Variants in PPP2R5E observed in about 807,000 individuals in gnomAD.
PPP2R5E encodes the protein protein phosphatase 2 regulatory subunit B'epsilon.
PPP2R5E carries 4 observed loss-of-function variants against 65.3 expected under a neutral mutation model. The ratio of observed to expected loss-of-function variants is 0.06; its 90% CI spans 0.03 to 0.14. PPP2R5E has a LOEUF of 0.14. PPP2R5E is among the 10% of genes least tolerant of loss of function. PPP2R5E has a pLI of 1.00. For missense variants in PPP2R5E, 274 were observed against 556.1 expected (o/e 0.49, Z 5.10); for synonymous variants, 183 against 187.4 (o/e 0.98, Z 0.19).
intron 2 of PPP2R5E, among the ~76,000 whole-genome samples, chr14:63,532,197 C>A (rs1893464516): frequency 6.6e-6 from 1 of 152,032 alleles, no homozygotes; most frequent in Non-Finnish European, 1.5e-5. Flanking sequence ...ACCTACTATA[C>A]AAGAGTATAA....
chr14:63,456,085 T>C (rs1348519667), intron 2 of PPP2R5E, among the ~76,000 whole-genome samples: 2 of 152,200 alleles, frequency 1.3e-5, no homozygotes, highest in African/African-American at 4.8e-5. Flanking sequence ...CTTATTAATA[T>C]AACATTCGTT....
chr14:63,523,066 C>A (rs1272413891), intron 2 of PPP2R5E, among the ~76,000 whole-genome samples: 8 of 151,032 alleles, frequency 5.3e-5, no homozygotes, highest in Admixed American at 2.0e-4. Flanking sequence ...CGGCCAGCCG[C>A]CCCGTCCGGG....
chr14:63,457,332 T>C (rs899730399), intron 2 of PPP2R5E, among the ~76,000 whole-genome samples: 1 of 152,130 alleles, frequency 6.6e-6, no homozygotes, highest in African/African-American at 2.4e-5. Context: ...TAAATAAACA[T>C]TTATTAAAAG....
intron 2 of PPP2R5E, among the ~76,000 whole-genome samples, chr14:63,462,077 T>TCAC (rs879801461): frequency 6.6e-6 from 1 of 150,826 alleles, no homozygotes; most frequent in South Asian, 2.1e-4. Context: ...AACTGTATTT[T>TCAC]TTTTTTTTTT....
chr14:63,473,986 G>A (rs1890268270), intron 2 of PPP2R5E, among the ~76,000 whole-genome samples: 3 of 152,170 alleles, frequency 2.0e-5, no homozygotes, highest in Admixed American at 2.0e-4. Context: ...TAAAACCTGA[G>A]GGAGAGACAT....
At chr14:63,376,266 A>T (rs1233180295) in intron 13 of PPP2R5E, among the ~76,000 whole-genome samples, 158 bp from the exon 14 acceptor site, 2 of 152,232 alleles carry the variant, frequency 1.3e-5, no homozygotes, top group African/African-American at 4.8e-5. Flanking sequence ...AATGACTTAT[A>T]TGCATCAGTT....
chr14:63,513,245 C>G (rs1220119749), intron 2 of PPP2R5E, among the ~76,000 whole-genome samples: 3 of 152,106 alleles, frequency 2.0e-5, no homozygotes, highest in African/African-American at 7.2e-5. Flanking sequence ...CAAAGAAAGG[C>G]CCCTCAGGAT....
intron 2 of PPP2R5E, among the ~76,000 whole-genome samples, chr14:63,506,626 T>C (rs1004988716): frequency 3.3e-5 from 5 of 152,054 alleles, no homozygotes; most frequent in African/African-American, 1.2e-4. Context: ...ATGACTATCA[T>C]CAAAAAGAGA....
chr14:63,377,098 G>A (rs1007496940), intron 13 of PPP2R5E, among the ~76,000 whole-genome samples: 8 of 150,412 alleles, frequency 5.3e-5, no homozygotes, highest in South Asian at 4.2e-4. Flanking sequence ...GCAGCGAGCC[G>A]AGATCACACC....
intron 2 of PPP2R5E, among the ~76,000 whole-genome samples, chr14:63,466,940 T>A (rs1332637600): frequency 6.6e-6 from 1 of 152,074 alleles, no homozygotes; most frequent in Non-Finnish European, 1.5e-5. Flanking sequence ...TTTAAAAACA[T>A]TATTGGCCGG....
chr14:63,467,727 A>G (rs1253457555), intron 2 of PPP2R5E, among the ~76,000 whole-genome samples: 5 of 152,250 alleles, frequency 3.3e-5, no homozygotes, highest in Admixed American at 3.3e-4. Context: ...TGAAAAAGAA[A>G]TGTAAGCCCA....
intron 2 of PPP2R5E, among the ~76,000 whole-genome samples, chr14:63,522,496 G>C (rs1011749776): frequency 1.4e-4 from 21 of 151,466 alleles, no homozygotes; most frequent in African/African-American, 5.1e-4. Context: ...TCTAGGAAGT[G>C]AGAAACGCCT....
Position 63,384,444 on chromosome 14 carries a change from G to A in PPP2R5E, c.1202C>T (p.Pro401Leu), listed in dbSNP as rs775015888. 4 of 1,612,130 alleles carry A rather than the reference G, an allele frequency of 2.5e-6. No homozygotes were observed. Among genetic ancestry groups the A allele is most frequent in the East Asian group, 2.2e-5 (1 of 44,834 alleles). The change falls in exon 12 of 14, where the codon CCG becomes CTG. Residue 401 changes from proline to leucine, a missense_variant and splice_region_variant. By Grantham distance (98) the Pro-to-Leu change is moderately conservative. Around this residue, in one of 6 missense-constraint regions of PPP2R5E, gnomAD observed 129 missense variants for 254.9 expected, o/e 0.51. Coordinates refer to ENST00000337537, the MANE Select transcript of PPP2R5E (RefSeq NM_006246.5). ...LYRISKEHWNPAIVALVYNVL... is the reference protein window; with the variant it reads ...LYRISKEHWNLAIVALVYNVL... ...CGGAGGAAAGAAACTGAAAACCTACGGATTCCAATGTTCTTTTGAAATCCT... is the reference window on the plus strand; with the variant it reads ...CGGAGGAAAGAAACTGAAAACCTACAGATTCCAATGTTCTTTTGAAATCCT...
At chr14:63,409,853 G>A (rs1886302538) in intron 5 of PPP2R5E, among the ~76,000 whole-genome samples, 1 of 152,188 alleles carries the variant, frequency 6.6e-6, no homozygotes, top group Non-Finnish European at 1.5e-5. Context: ...TTCAGGCTTG[G>A]ACAACAGGTA....
At chr14:63,379,818 TTCTC>T (rs770094217) in intron 13 of PPP2R5E, among the ~76,000 whole-genome samples, 11 of 117,042 alleles carry the variant, frequency 9.4e-5, no homozygotes, top group Middle Eastern at 7.4e-3. Flanking sequence ...TTCTTCAATA[TTCTC>T]TCTCTTTTTT....
chr14:63,501,612 T>C (rs1223012789), intron 2 of PPP2R5E, among the ~76,000 whole-genome samples: 2 of 152,136 alleles, frequency 1.3e-5, no homozygotes, highest in African/African-American at 4.8e-5. Context: ...TCTGAGGTGA[T>C]AAAAATGTTC....
chr14:63,519,348 C>A (rs935326215), intron 2 of PPP2R5E, among the ~76,000 whole-genome samples: 1 of 151,748 alleles, frequency 6.6e-6, no homozygotes, highest in Non-Finnish European at 1.5e-5. Flanking sequence ...GGATCAAGGA[C>A]AAACTCTTTT....
chr14:63,378,280 T>C (rs1388809139), intron 13 of PPP2R5E, among the ~76,000 whole-genome samples: 2 of 152,212 alleles, frequency 1.3e-5, no homozygotes, highest in Non-Finnish European at 2.9e-5. Flanking sequence ...GTATTTCAGG[T>C]TCACATTGCC....
At chr14:63,532,743 A>G (rs1239842913) in intron 2 of PPP2R5E, among the ~76,000 whole-genome samples, 1 of 152,254 alleles carries the variant, frequency 6.6e-6, no homozygotes, top group Non-Finnish European at 1.5e-5. Flanking sequence ...AGCTAGTGGT[A>G]AGCTAGGACT....
Sources: gnomAD v4.1 joint callset for allele counts (sites outside exome capture counted in the v4.1 genomes callset) on GRCh38, gnomAD v4.1.1 for gene constraint, gnomAD v4.1.1 regional missense constraint, MANE v1.5 for transcripts, NCBI Gene and HGNC (gene_info 2026-07-23, HGNC 2026-07-21) for gene names.